RAB3C: variants seen among roughly 807,000 people sequenced by gnomAD.
RAB3C encodes ras-related protein Rab-3C.
A neutral mutation model predicts 26.4 loss-of-function variants in RAB3C; 17 were observed. The observed-to-expected ratio is 0.64, with a 90% CI of 0.44 to 0.97. RAB3C has a LOEUF of 0.97. Among genes scored for constraint, RAB3C ranks in the 50% least tolerant of loss-of-function variants. The probability of loss-of-function intolerance (pLI) is 0.00; values close to 1 mark genes in which losing one functional copy is unlikely to be tolerated. For missense variants in RAB3C, 242 were observed against 281.9 expected, an observed-to-expected ratio of 0.86 and a Z score of 1.01; for synonymous variants, 91 against 95.9, an observed-to-expected ratio of 0.95 and a Z score of 0.30.
intron 2 of RAB3C, among the ~76,000 whole-genome samples, chr5:58,653,518 A>G (rs1747703173): frequency 6.6e-6 from 1 of 152,214 alleles, no homozygotes; most frequent in African/African-American, 2.4e-5. Flanking sequence ...TTGCAGCAGT[A>G]TTCACAATAG....
chr5:58,851,472 A>G lies in RAB3C; in HGVS notation c.*121A>G, dbSNP rs979798718. 3.9e-5 allele frequency: 30 copies of G among 773,924 alleles called. No homozygotes were observed. In the South Asian group the frequency reaches 6.1e-4, roughly 16 times the overall value. 47.9% of individuals were successfully genotyped at this position (773,924 alleles called of 1,614,324 possible). A position where few individuals can be genotyped will look rare whatever the true frequency, so the allele number is the denominator to read the frequency against. ...TTATTTGAAGGAATAAATTGATGTC[A>G]ATGGCTCGTACGCATTCAATTCTTG... On this transcript the variant is annotated 3_prime_UTR_variant, in exon 5 of 5. Transcript: ENST00000282878.
chr5:58,700,972 T>G (rs1434157722), intron 2 of RAB3C, among the ~76,000 whole-genome samples: 7 of 47,082 alleles, frequency 1.5e-4, no homozygotes, highest in Admixed American at 1.7e-4. Flanking sequence ...TAAAAATCTT[T>G]TATTTATTTA....
chr5:58,816,125 C>T (rs181173400), intron 3 of RAB3C, among the ~76,000 whole-genome samples: 2 of 152,236 alleles, frequency 1.3e-5, no homozygotes, highest in Admixed American at 1.3e-4. Context: ...AACTTTGGGC[C>T]CCTTACTAAG....
At chr5:58,727,934 CT>C (rs1434182300) in intron 3 of RAB3C, among the ~76,000 whole-genome samples, 2 of 151,990 alleles carry the variant, frequency 1.3e-5, no homozygotes, top group Non-Finnish European at 2.9e-5. Context: ...TCATCTCTTA[CT>C]ATTCTAGAAG....
intron 2 of RAB3C, among the ~76,000 whole-genome samples, chr5:58,724,153 C>T (rs1349752188): frequency 6.6e-6 from 1 of 151,574 alleles, no homozygotes; most frequent in Non-Finnish European, 1.5e-5. Context: ...CTTGTATTAG[C>T]CTTGCTGTCC....
intron 3 of RAB3C, among the ~76,000 whole-genome samples, chr5:58,778,747 A>G (rs1297392605): frequency 6.6e-6 from 1 of 152,164 alleles, no homozygotes; most frequent in Non-Finnish European, 1.5e-5. Context: ...CTCATCTATC[A>G]TGCCTATGTA....
chr5:58,778,926 C>T lies in RAB3C; in HGVS notation c.372-46112C>T, dbSNP rs546841335. 3.3e-5 allele frequency among the ~76,000 whole-genome samples: 5 copies of T among 152,226 alleles called. No homozygotes were observed. In the South Asian group the frequency reaches 1.0e-3, roughly 32 times the overall value. On this transcript the variant is annotated intron_variant, in intron 3 of 4. Transcript: ENST00000282878. Reference sequence around the variant, plus strand: ...CTACTGCAACTTCTCTCTTTCCTTGCTCAATTAATAATAGCGTCATTCTCC... The same window carrying T: ...CTACTGCAACTTCTCTCTTTCCTTGTTCAATTAATAATAGCGTCATTCTCC...
At chr5:58,699,386 C>A (rs1029516490) in intron 2 of RAB3C, among the ~76,000 whole-genome samples, 8 of 152,218 alleles carry the variant, frequency 5.3e-5, no homozygotes, top group African/African-American at 1.7e-4. Flanking sequence ...TCAACCCCTA[C>A]TGGGAGGTGT....
chr5:58,841,753 G>A (rs1743880658), intron 4 of RAB3C, among the ~76,000 whole-genome samples: 2 of 152,252 alleles, frequency 1.3e-5, no homozygotes, highest in Admixed American at 6.5e-5. Flanking sequence ...CTAACTCCAG[G>A]CAGATCTGAT....
chr5:58,771,752 C>T (rs1036739461), intron 3 of RAB3C, among the ~76,000 whole-genome samples: 7 of 151,892 alleles, frequency 4.6e-5, no homozygotes, highest in Admixed American at 1.3e-4. Context: ...GTGAATGTCT[C>T]AAGTTCAAAA....
chr5:58,596,856 TATA>T (rs1746286442), intron 1 of RAB3C, among the ~76,000 whole-genome samples: 2 of 84,792 alleles, frequency 2.4e-5, no homozygotes, highest in Admixed American at 4.3e-4. Flanking sequence ...TAATACATAA[TATA>T]TAATATTATA....
At chr5:58,583,313 C>A in intron 1 of RAB3C, 81 bp downstream of exon 1, 1 of 1,601,452 alleles carries the variant, frequency 6.2e-7, no homozygotes, top group Non-Finnish European at 8.5e-7. Flanking sequence ...AGCAGTTCAA[C>A]GTAAGGAAAG....
In RAB3C at chr5:58,617,732, T is replaced by G; in HGVS notation, c.114T>G (p.Asn38Lys). Residue 38 changes from asparagine (N) to lysine (K), a missense_variant, in exon 2 of 5, where the codon AAT becomes AAG. Physicochemically the swap from Asn to Lys is moderately conservative, Grantham distance 94. Transcript: ENST00000282878. The part of the protein sequence containing the change: ...DYMFKLLIIG[N>K]SSVGKTSFLF... ...TGTTCAAATTACTCATCATCGGCAA[T>G]AGCAGTGTGGGGAAAACATCTTTTC... The G allele has an allele frequency of 1.9e-6, 3 of 1,613,980 alleles. No individual in the cohort carries two copies. The highest frequency in any genetic ancestry group is 2.5e-6 in the Non-Finnish European group (3 of 1,179,890).
intron 1 of RAB3C, among the ~76,000 whole-genome samples, chr5:58,599,128 A>T (rs1746394589): frequency 6.6e-6 from 1 of 152,182 alleles, no homozygotes; most frequent in Non-Finnish European, 1.5e-5. Context: ...CTTCTTTGGC[A>T]GCCTGACTCA....
At chr5:58,612,520 G>GTGTATA (rs1264300587) in intron 1 of RAB3C, among the ~76,000 whole-genome samples, 3 of 79,178 alleles carry the variant, frequency 3.8e-5, no homozygotes, top group African/African-American at 8.5e-5. Flanking sequence ...GTGTGTGTGT[G>GTGTATA]TATATATATA....
intron 1 of RAB3C, among the ~76,000 whole-genome samples, chr5:58,588,729 C>G (rs1035678637): frequency 6.6e-6 from 1 of 151,912 alleles, no homozygotes; most frequent in Admixed American, 6.6e-5. Flanking sequence ...TTAATTATAC[C>G]TGGGGTCTGT....
chr5:58,659,250 T>C (rs1747846508), intron 2 of RAB3C, among the ~76,000 whole-genome samples: 1 of 152,220 alleles, frequency 6.6e-6, no homozygotes, highest in Non-Finnish European at 1.5e-5. Context: ...ATATAAATTA[T>C]ATGTCCAAAT....
At chr5:58,766,363 ACCT>A (rs1021353477) in intron 3 of RAB3C, among the ~76,000 whole-genome samples, 3 of 151,862 alleles carry the variant, frequency 2.0e-5, no homozygotes, top group African/African-American at 7.3e-5. Context: ...TGATCCACCC[ACCT>A]CGGCCCCCCA....
chr5:58,671,381 C>T (rs999075842), intron 2 of RAB3C, among the ~76,000 whole-genome samples: 1 of 152,178 alleles, frequency 6.6e-6, no homozygotes, highest in Non-Finnish European at 1.5e-5. Context: ...AAAACGAAGG[C>T]TGTCTCGTTC....
Sources: gnomAD v4.1 joint callset for allele counts (sites outside exome capture counted in the v4.1 genomes callset) on GRCh38, gnomAD v4.1.1 for gene constraint, MANE v1.5 for transcripts, NCBI Gene and HGNC (gene_info 2026-07-23, HGNC 2026-07-21) for gene names.